The following PRAM1 variants were observed in gnomAD, a reference collection of about 807,000 sequenced individuals.
PRAM1 encodes PML-RARA-regulated adapter molecule 1.
PRAM1 carries 41 observed loss-of-function variants against 55.3 expected under a neutral mutation model. That is an observed-to-expected ratio of 0.74 (90% CI 0.58 to 0.96). The LOEUF is 0.96. PRAM1 is among the 40% of genes least tolerant of loss of function. The pLI is 0.00. For synonymous variants in PRAM1, 401 were observed against 387.1 expected (o/e 1.04, Z -0.42); for missense variants, 898 against 892.7 (o/e 1.01, Z -0.08).
At chr19:8,498,187 A>G (rs1376474553) in intron 3 of PRAM1, 36 bp downstream of exon 3, 1 of 1,598,664 alleles carries the variant, frequency 6.3e-7, no homozygotes, top group Non-Finnish European at 8.5e-7. Context: ...TGAGCCCCAC[A>G]ATCCGCACCC....
rs34873845 is a variant in PRAM1 at position 8,497,173 on chromosome 19, C to CT, written c.1576+590dup. On this transcript the variant is annotated intron_variant, in intron 4 of 9. Coordinates refer to ENST00000423345, the MANE Select transcript of PRAM1 (RefSeq NM_032152.5). ...CTGCTTTATATACCACCAAATCCTG[C>CT]TTTTTTTTTTTTTTTTTTTGAGACA... Among the ~76,000 whole-genome samples, 406 of 118,868 alleles carry CT rather than the reference C, an allele frequency of 3.4e-3. 1 individual carries two copies. Among genetic ancestry groups the CT allele is most frequent in the South Asian group, 0.016 (56 of 3,582 alleles). The allele number at this position is 118,868 out of a possible 152,430, so 78.0% of individuals were successfully genotyped here. A position where few individuals can be genotyped will look rare whatever the true frequency, so the allele number is the denominator to read the frequency against.
Position 8,501,507 on chromosome 19 carries a change from A to ATTTTT in PRAM1, c.27+1053_27+1057dup, listed in dbSNP as rs773534887. Among the ~76,000 whole-genome samples the ATTTTT allele has an allele frequency of 6.8e-4, 70 of 102,854 alleles. 1 individual carries two copies. The highest frequency in any genetic ancestry group is 8.9e-4 in the East Asian group (3 of 3,370). The allele number at this position is 102,854 out of a possible 152,430, so 67.5% of individuals were successfully genotyped here. Reference sequence around the variant, plus strand: ...TTTACATTGTTTTTAATGTGTCTTGATTTTTTTTTTTTTTTTTTTTTGTCT... The same window carrying ATTTTT: ...TTTACATTGTTTTTAATGTGTCTTGATTTTTTTTTTTTTTTTTTTTTTTTTTGTCT... On this transcript the variant is annotated intron_variant, in intron 1 of 9. Transcript: ENST00000423345.
intron 4 of PRAM1, chr19:8,492,098 AT>A (rs60451615): frequency 3.4e-4 from 50 of 147,132 alleles, no homozygotes; most frequent in East Asian, 6.0e-4. Flanking sequence ...CACCCGGCTA[AT>A]TTTTTTTTTT....
chr19:8,491,727 G>A (rs1001402744), intron 4 of PRAM1: 4 of 160,206 alleles, frequency 2.5e-5, no homozygotes, highest in African/African-American at 7.2e-5. Flanking sequence ...GCTGGGCCAC[G>A]CCCCTCATGG....
chr19:8,498,658 G>A lies in PRAM1; in HGVS notation c.1150C>T (p.Leu384Phe), dbSNP rs1411471996. 1 of 1,610,986 alleles carries A rather than the reference G, an allele frequency of 6.2e-7. No homozygotes were observed. The highest frequency in any genetic ancestry group is 1.7e-5 in the Admixed American group (1 of 59,596). ...FFGDLPRKPP[L>F]PSSASESSLP... ...GAGCTCTCGGAAGCGGAGCTGGGGAGTGGAGGCTTTCGAGGGAGATCACCG... is the reference window on the plus strand; with the variant it reads ...GAGCTCTCGGAAGCGGAGCTGGGGAATGGAGGCTTTCGAGGGAGATCACCG... Residue 384 changes from leucine (L) to phenylalanine (F), a missense_variant, in exon 2 of 10, where the codon CTC becomes TTC. Leu to Phe is a conservative substitution (Grantham distance 22). This residue lies in a region of PRAM1 where 787 missense variants were observed against 735.4 expected (regional missense o/e 1.07). Transcript: ENST00000423345.
In PRAM1 at chr19:8,501,931, C is replaced by T. The variant is rs145570264; in HGVS notation, c.27+634G>A. 3.8e-3 allele frequency among the ~76,000 whole-genome samples: 576 copies of T among 152,284 alleles called. 3 individuals are homozygous for T. Among genetic ancestry groups the T allele is most frequent in the Non-Finnish European group, 6.5e-3 (440 of 68,004 alleles). ...GCAGATTCACAAGAAGGCCAGGCCT[C>T]CTTAGTCCTACAAACGCCCCTTTCA... On this transcript the variant is annotated intron_variant, in intron 1 of 9. Coordinates refer to ENST00000423345, the MANE Select transcript of PRAM1 (RefSeq NM_032152.5).
intron 1 of PRAM1, among the ~76,000 whole-genome samples, chr19:8,501,277 T>C (rs1971803185): frequency 6.6e-6 from 1 of 151,174 alleles, no homozygotes; most frequent in Non-Finnish European, 1.5e-5. Flanking sequence ...GTATTTTTAA[T>C]GGAAACAGGG....
chr19:8,500,378 TC>T (rs1049574146), intron 1 of PRAM1, among the ~76,000 whole-genome samples: 2 of 151,800 alleles, frequency 1.3e-5, no homozygotes, highest in Non-Finnish European at 2.9e-5. Flanking sequence ...GTGTCTGCCC[TC>T]CCCCAACCAA....
At chr19:8,502,316 G>A (rs954774184) in intron 1 of PRAM1, among the ~76,000 whole-genome samples, 2 of 152,076 alleles carry the variant, frequency 1.3e-5, no homozygotes, top group East Asian at 1.9e-4. Flanking sequence ...GTCCCCCCGG[G>A]GAGTCCCATC....
In PRAM1 at chr19:8,497,745, G is replaced by A. The variant is rs375379879; in HGVS notation, c.1576+19C>T. ...TGCCCCGAATGTTTTGCAGGGACTC[G>A]GGCAGGCCACCAACAAACCTCTGCC... On this transcript the variant is annotated intron_variant, in intron 4 of 9. Transcript: ENST00000423345. 27 of 1,592,334 alleles carry A rather than the reference G, an allele frequency of 1.7e-5. No homozygotes were observed. The highest frequency in any genetic ancestry group is 6.8e-5 in the African/African-American group (5 of 73,272).
In PRAM1 at chr19:8,499,688, C is replaced by G. The variant is rs1568318293; in HGVS notation, c.120G>C (p.Glu40Asp). ...GGGAGAACTTCTTCAGTTTACCAAA[C>G]TCAGGCTTCGGAGGTTTTTTGGGCA... ...SDLPKKPPKP[E>D]FGKLKKFSQP... The change falls in exon 2 of 10, where the codon GAG (glutamate) becomes GAC (aspartate). Residue 40 changes from glutamate (E) to aspartate (D), a missense_variant. Coordinates refer to ENST00000423345, the MANE Select transcript of PRAM1 (RefSeq NM_032152.5). The G allele has an allele frequency of 6.2e-7, 1 of 1,613,770 alleles. No individual in the cohort carries two copies. Among genetic ancestry groups the G allele is most frequent in the Admixed American group, 1.7e-5 (1 of 59,986 alleles).
Position 8,498,518 on chromosome 19 carries a change from C to T in PRAM1, c.1290G>A (p.Arg430=), listed in dbSNP as rs1388388098. 2 of 1,604,790 alleles carry T rather than the reference C, an allele frequency of 1.2e-6. No homozygotes were observed. Among genetic ancestry groups the T allele is most frequent in the Non-Finnish European group, 1.7e-6 (2 of 1,175,864 alleles). The part of the protein sequence containing the change: ...SGGLVHSGGA[R]PGLRPSHPPR... ...GTGGATGGCTGGGTCTGAGGCCTGG[C>T]CTGGCCCCTCCACTGTGAACCAGGC... Residue 430 remains arginine, a synonymous_variant, in exon 2 of 10, where the codon AGG becomes AGA. Transcript: ENST00000423345.
chr19:8,501,071 C>T (rs893239085), intron 1 of PRAM1, among the ~76,000 whole-genome samples: 1 of 150,662 alleles, frequency 6.6e-6, no homozygotes, highest in Non-Finnish European at 1.5e-5. Flanking sequence ...CCGTGCCCAA[C>T]CTAGACCACC....
In PRAM1 at chr19:8,498,271, G is replaced by A. The variant is rs370907749; in HGVS notation, c.1451C>T (p.Ser484Leu). ...AASIDLRRTR[S>L]AAGLHFQDRQ... ...GTCCTGGAAGTGGAGCCCAGCGGCCGAGCGGGTCCTCCGTAGATCTGTGGG... is the reference window on the plus strand; with the variant it reads ...GTCCTGGAAGTGGAGCCCAGCGGCCAAGCGGGTCCTCCGTAGATCTGTGGG... Residue 484 changes from serine (S) to leucine (L), a missense_variant, in exon 3 of 10, where the codon TCG becomes TTG. Ser to Leu is a moderately radical substitution (Grantham distance 145). This residue lies in a region of PRAM1 where 787 missense variants were observed against 735.4 expected (regional missense o/e 1.07). Transcript: ENST00000423345. 39 of 1,612,512 alleles carry A rather than the reference G, an allele frequency of 2.4e-5. 1 individual carries two copies. The East Asian group carries it at 4.5e-4, about 18-fold the overall frequency.
intron 4 of PRAM1, among the ~76,000 whole-genome samples, chr19:8,496,533 T>C (rs1407912704): frequency 2.0e-5 from 3 of 151,788 alleles, no homozygotes; most frequent in African/African-American, 7.3e-5. Flanking sequence ...GAGACCAGCC[T>C]AGCCAACATG....
chr19:8,491,643 T>C (rs1971631477), intron 4 of PRAM1: 1 of 197,322 alleles, frequency 5.1e-6, no homozygotes. Flanking sequence ...CAAGCCTTTC[T>C]CAGGGGTCAT....
chr19:8,490,420 C>G lies in PRAM1; in HGVS notation c.1941-48G>C. ...GCAAGGGGCACCGTGGCCCATTCCC[C>G]CCACCCTGCACCACACACCCCGCAC... On this transcript the variant is annotated intron_variant, in intron 8 of 9. Coordinates refer to ENST00000423345, the MANE Select transcript of PRAM1 (RefSeq NM_032152.5). This position sits in a 1 kb window ranked among gnomAD's most constrained non-coding sequence, Gnocchi z 7.3. The G allele has an allele frequency of 3.1e-6, 5 of 1,613,732 alleles. No individual in the cohort carries two copies. The highest frequency in any genetic ancestry group is 4.2e-6 in the Non-Finnish European group (5 of 1,179,804).
intron 4 of PRAM1, among the ~76,000 whole-genome samples, chr19:8,495,530 A>ACGC (rs1350656003): frequency 6.6e-6 from 1 of 152,114 alleles, no homozygotes; most frequent in Admixed American, 6.6e-5. Context: ...GTGAGCTGCC[A>ACGC]CGCCGGGCCA....
rs1008265675 is a variant in PRAM1 at position 8,493,262 on chromosome 19, C to G, written c.1577-2105G>C. On this transcript the variant is annotated intron_variant, in intron 4 of 9. Coordinates refer to ENST00000423345, the MANE Select transcript of PRAM1 (RefSeq NM_032152.5). This position sits in a 1 kb window ranked among gnomAD's most constrained non-coding sequence, Gnocchi z 4.1. ...TTCCGAATGGCTCAAAGTATCCCGC[C>G]GGACATTTCAGGCCTGTAGTCCCTC... Among the ~76,000 whole-genome samples the G allele has an allele frequency of 6.6e-6, 1 of 152,166 alleles. No homozygotes were observed. The highest frequency in any genetic ancestry group is 1.5e-5 in the Non-Finnish European group (1 of 68,032).
Sources: allele counts gnomAD v4.1 joint callset (sites outside exome capture counted in the v4.1 genomes callset), GRCh38; gene constraint gnomAD v4.1.1; regional missense constraint gnomAD v4.1.1; non-coding constraint Gnocchi (gnomAD v3.1); transcripts MANE v1.5; gene names NCBI Gene and HGNC (gene_info 2026-07-23, HGNC 2026-07-21).